Variants in PCDHGA1 observed in about 807,000 individuals in gnomAD.
The protein encoded by PCDHGA1 is protocadherin gamma-A1.
In PCDHGA1, 32 loss-of-function variants were observed where a neutral mutation model predicts 58.0. That is an observed-to-expected ratio of 0.55 (90% CI 0.42 to 0.74). The LOEUF (loss-of-function observed/expected upper bound fraction) is 0.74, where lower values mean the gene tolerates loss of function less well. PCDHGA1 is among the 30% of genes least tolerant of loss of function. The pLI is 0.00. For missense variants in PCDHGA1, 1,205 were observed against 1,182.3 expected, an observed-to-expected ratio of 1.02 and a Z score of -0.28; for synonymous variants, 498 against 501.1, an observed-to-expected ratio of 0.99 and a Z score of 0.08.
intron 1 of PCDHGA1, chr5:141,421,335 G>A (rs2096564985): frequency 1.2e-6 from 2 of 1,613,944 alleles, no homozygotes; most frequent in Non-Finnish European, 8.5e-7. Context: ...GATATTCGGT[G>A]CCAGAAGAGA....
Position 141,477,140 on chromosome 5 carries a change from G to GT in PCDHGA1, c.2422-17665dup. ...AGCACATTGCAAAGTGTTGGTGGAG[G>GT]TTGTGGATGTGAATGACAACGCCCC... On this transcript the variant is annotated intron_variant, in intron 1 of 3. Transcript: ENST00000517417. The surrounding 1 kb of genome is among the most constrained non-coding windows in gnomAD (Gnocchi z 4.9). 1 of 1,614,220 alleles carries GT rather than the reference G, an allele frequency of 6.2e-7. No homozygotes were observed. Among genetic ancestry groups the GT allele is most frequent in the Non-Finnish European group, 8.5e-7 (1 of 1,180,048 alleles).
intron 1 of PCDHGA1, among the ~76,000 whole-genome samples, chr5:141,401,123 C>A (rs1289456548): frequency 1.3e-5 from 2 of 152,156 alleles, no homozygotes; most frequent in Non-Finnish European, 2.9e-5. Flanking sequence ...GCGGTTGGAT[C>A]ACATGGTCAG....
chr5:141,501,789 C>T (rs367954511), intron 2 of PCDHGA1, among the ~76,000 whole-genome samples: 1 of 152,262 alleles, frequency 6.6e-6, no homozygotes, highest in South Asian at 2.1e-4. Context: ...TCTCCCTCTG[C>T]TCATCTCTTA....
chr5:141,352,070 G>T lies in PCDHGA1; in HGVS notation c.2421+18965G>T, dbSNP rs747997460. ...ACACAACGCTTGGCTGTCCTACCAC[G>T]TGCTGCAGGCCAGCGAGCCCGGGCT... is the stretch of plus-strand genomic sequence containing the variant. On this transcript the variant is annotated intron_variant, in intron 1 of 3. Transcript: ENST00000517417. 3 of 1,605,388 alleles carry T rather than the reference G, an allele frequency of 1.9e-6. No homozygotes were observed. In the South Asian group the frequency reaches 3.3e-5, roughly 18 times the overall value.
intron 3 of PCDHGA1, among the ~76,000 whole-genome samples, chr5:141,509,015 C>T (rs1370464396): frequency 6.6e-6 from 1 of 152,098 alleles, no homozygotes; most frequent in East Asian, 1.9e-4. Flanking sequence ...AAGTGGGCAG[C>T]TGCTCCCTCC....
chr5:141,355,655 T>A (rs900163276), intron 1 of PCDHGA1: 13 of 1,613,964 alleles, frequency 8.1e-6, no homozygotes, highest in African/African-American at 1.3e-5. Context: ...GGGGCAAGAT[T>A]TCCTCTTCCT....
chr5:141,430,399 T>G (rs2097282187), intron 1 of PCDHGA1, among the ~76,000 whole-genome samples: 1 of 150,106 alleles, frequency 6.7e-6, no homozygotes, highest in Admixed American at 6.6e-5. Flanking sequence ...AAAAAAAAGC[T>G]CACTAAAGTT....
chr5:141,415,080 C>T (rs1426953509), intron 1 of PCDHGA1: 1 of 1,613,526 alleles, frequency 6.2e-7, no homozygotes, highest in African/African-American at 1.3e-5. Context: ...CGGCGCGAGC[C>T]CTGCTGGACA....
Position 141,431,473 on chromosome 5 carries a change from C to G in PCDHGA1, c.2422-63334C>G, listed in dbSNP as rs750300971. ...TGATGGTTCTGGATGCGAACGACAA[C>G]GCACCAGCGTTTGCTCAGCCCGAGT... On this transcript the variant is annotated intron_variant, in intron 1 of 3. Coordinates refer to ENST00000517417, the MANE Select transcript of PCDHGA1 (RefSeq NM_018912.3). This position sits in a 1 kb window ranked among gnomAD's most constrained non-coding sequence, Gnocchi z 4.8. 5.0e-6 allele frequency: 8 copies of G among 1,613,832 alleles called. No homozygotes were observed. The highest frequency in any genetic ancestry group is 1.7e-5 in the Admixed American group (1 of 60,026).
chr5:141,429,314 C>A (rs1463397731), intron 1 of PCDHGA1, among the ~76,000 whole-genome samples: 2 of 151,722 alleles, frequency 1.3e-5, no homozygotes, highest in Admixed American at 6.6e-5. Flanking sequence ...GTATATAAGG[C>A]TTTTTCTTTA....
At chr5:141,441,932 C>A in intron 1 of PCDHGA1, 1 of 347,904 alleles carries the variant, frequency 2.9e-6, no homozygotes. Flanking sequence ...GCGTGGCTGT[C>A]CTACCACGTG....
chr5:141,332,847 G>A lies in PCDHGA1; in HGVS notation c.2163G>A (p.Lys721=). 1 of 1,614,252 alleles carries A rather than the reference G, an allele frequency of 6.2e-7. No homozygotes were observed. The highest frequency in any genetic ancestry group is 8.5e-7 in the Non-Finnish European group (1 of 1,180,050). Reference sequence around the variant, plus strand: ...CGCACAGGCTGCGGCGCTGGCACAAGTCACGTCTGCTACAGGCTTCGGGAG... The same window carrying A: ...CGCACAGGCTGCGGCGCTGGCACAAATCACGTCTGCTACAGGCTTCGGGAG... The part of the protein sequence containing the change: ...LLAHRLRRWH[K]SRLLQASGGG... The change falls in exon 1 of 4, where the codon AAG becomes AAA. Residue 721 remains lysine (K), a synonymous_variant. Coordinates refer to ENST00000517417, the MANE Select transcript of PCDHGA1 (RefSeq NM_018912.3). This position sits in a 1 kb window ranked among gnomAD's most constrained non-coding sequence, Gnocchi z 4.6.
intron 1 of PCDHGA1, chr5:141,394,079 G>A (rs375995047): frequency 5.0e-6 from 8 of 1,613,706 alleles, no homozygotes; most frequent in Non-Finnish European, 5.9e-6. Context: ...ATATCACAGT[G>A]ATGGCCTCAG....
At chr5:141,494,362 A>T (rs527454959) in intron 1 of PCDHGA1, among the ~76,000 whole-genome samples, 47 of 152,300 alleles carry the variant, frequency 3.1e-4, no homozygotes, top group Admixed American at 8.5e-4. Context: ...GCTGCAGAGG[A>T]TGCTTTGTTC....
intron 1 of PCDHGA1, chr5:141,476,000 T>A (rs2099383773): frequency 1.6e-6 from 2 of 1,225,380 alleles, no homozygotes; most frequent in African/African-American, 1.5e-5. Flanking sequence ...ATCAACGGCA[T>A]CCAGAAAGCC....
At chr5:141,399,847 G>T (rs746731144) in intron 1 of PCDHGA1, 19 of 1,612,874 alleles carry the variant, frequency 1.2e-5, no homozygotes, top group Middle Eastern at 1.7e-4. Flanking sequence ...CTTCGATATG[G>T]TGCCGCGCGC....
Position 141,333,104 on chromosome 5 carries a change from A to G in PCDHGA1, c.2420A>G (p.Gln807Arg). Residue 807 changes from glutamine to arginine, a missense_variant and splice_region_variant, in exon 1 of 4, where the codon CAG (glutamine) becomes CGG (arginine). Transcript: ENST00000517417. ...LLEDKKEPFS[Q>R]QAPPNTDWRF... ...GAAGACAAAAAGGAACCATTTTCTC[A>G]GGTAAACTTTTGTGATGAATGTATC... 3 of 1,614,232 alleles carry G rather than the reference A, an allele frequency of 1.9e-6. No individual in the cohort carries two copies. Among genetic ancestry groups the G allele is most frequent in the Non-Finnish European group, 2.5e-6 (3 of 1,180,038 alleles).
chr5:141,403,079 T>C (rs770770660), intron 1 of PCDHGA1: 3 of 1,614,064 alleles, frequency 1.9e-6, no homozygotes, highest in Non-Finnish European at 1.7e-6. Flanking sequence ...AGAAAAGGGC[T>C]ATATTGTGGG....
chr5:141,457,498 G>A (rs193168963), intron 1 of PCDHGA1, among the ~76,000 whole-genome samples: 23 of 152,246 alleles, frequency 1.5e-4, no homozygotes, highest in African/African-American at 4.3e-4. Flanking sequence ...TAAAATGTAG[G>A]CAAAAAGCTT....
Sources: allele counts gnomAD v4.1 joint callset (sites outside exome capture counted in the v4.1 genomes callset), GRCh38; gene constraint gnomAD v4.1.1; non-coding constraint Gnocchi (gnomAD v3.1); transcripts MANE v1.5; gene names NCBI Gene and HGNC (gene_info 2026-07-23, HGNC 2026-07-21).